Variants in CNTN6 observed in about 807,000 individuals in gnomAD.
CNTN6 encodes contactin-6.
In CNTN6, 137 loss-of-function variants were observed where a neutral mutation model predicts 122.8. The ratio of observed to expected loss-of-function variants is 1.12; its 90% CI spans 0.97 to 1.29. The LOEUF (loss-of-function observed/expected upper bound fraction) is 1.29. Ranked by LOEUF, CNTN6 falls within the 50% of genes most tolerant of loss-of-function variation. CNTN6 has a pLI of 0.00. For synonymous variants in CNTN6, 570 were observed against 426.0 expected, an observed-to-expected ratio of 1.34 and a Z score of -4.16; for missense variants, 1,634 against 1,223.4, an observed-to-expected ratio of 1.34 and a Z score of -5.01.
At chr3:1,293,589 G>A (rs75027100) in intron 5 of CNTN6, among the ~76,000 whole-genome samples, 2,026 of 152,206 alleles carry the variant, frequency 0.013, 62 homozygotes, top group African/African-American at 0.046. Flanking sequence ...AGTTTTTAAT[G>A]TAAGTACAGT....
chr3:1,229,041 C>A (rs1323000228), intron 4 of CNTN6, among the ~76,000 whole-genome samples: 1 of 152,170 alleles, frequency 6.6e-6, no homozygotes, highest in Admixed American at 6.5e-5. Context: ...CACACATGCA[C>A]ACACATATAC....
chr3:1,362,987 C>G (rs1707694655), intron 12 of CNTN6, among the ~76,000 whole-genome samples: 1 of 151,886 alleles, frequency 6.6e-6, no homozygotes, highest in Non-Finnish European at 1.5e-5. Context: ...TTTTAATGCG[C>G]TAAAGACAAT....
At chr3:1,217,057 A>G (rs2094139664) in intron 2 of CNTN6, among the ~76,000 whole-genome samples, 1 of 152,204 alleles carries the variant, frequency 6.6e-6, no homozygotes. Flanking sequence ...TTTTATAAAC[A>G]ATATATTATT....
intron 2 of CNTN6, among the ~76,000 whole-genome samples, chr3:1,148,840 C>T (rs1180086312): frequency 3.3e-5 from 5 of 152,130 alleles, no homozygotes; most frequent in African/African-American, 1.2e-4. Context: ...TAGTCTAGAA[C>T]ATTCGTAACT....
chr3:1,378,305 G>A (rs2126161419), intron 17 of CNTN6, among the ~76,000 whole-genome samples: 1 of 152,276 alleles, frequency 6.6e-6, no homozygotes, highest in South Asian at 2.1e-4. Flanking sequence ...TCAGTTAAAT[G>A]AACCTGCGTC....
At chr3:1,236,160 T>A (rs960007048) in intron 4 of CNTN6, among the ~76,000 whole-genome samples, 1 of 152,072 alleles carries the variant, frequency 6.6e-6, no homozygotes, top group African/African-American at 2.4e-5. Context: ...AAAGTCATAA[T>A]GTCTTGAAAG....
intron 12 of CNTN6, among the ~76,000 whole-genome samples, chr3:1,354,518 C>G (rs932855777): frequency 1.3e-5 from 2 of 151,424 alleles, no homozygotes; most frequent in African/African-American, 4.8e-5. Context: ...TTTTTATCTT[C>G]TTACGAACTG....
chr3:1,176,077 C>G (rs773878286), intron 2 of CNTN6, among the ~76,000 whole-genome samples: 1 of 152,032 alleles, frequency 6.6e-6, no homozygotes, highest in Non-Finnish European at 1.5e-5. Context: ...TGAGTACAAA[C>G]AGTGGATGTT....
chr3:1,347,307 GATTT>G (rs1559886926), intron 11 of CNTN6, among the ~76,000 whole-genome samples: 1 of 152,108 alleles, frequency 6.6e-6, no homozygotes, highest in Non-Finnish European at 1.5e-5. Flanking sequence ...TATAATCAGT[GATTT>G]AATTATCTAA....
chr3:1,122,353 AG>A, intron 1 of CNTN6, among the ~76,000 whole-genome samples: 1 of 144,674 alleles, frequency 6.9e-6, no homozygotes, highest in African/African-American at 2.8e-5. Context: ...AGAGGGAAGG[AG>A]GGAAGGAGGA....
chr3:1,198,734 AAAG>A (rs1290575629), intron 2 of CNTN6, among the ~76,000 whole-genome samples: 1 of 151,896 alleles, frequency 6.6e-6, no homozygotes, highest in Non-Finnish European at 1.5e-5. Flanking sequence ...CAAAAAAAAA[AAAG>A]AAAGAAAGAA....
chr3:1,277,659 A>G (rs1424918828), intron 4 of CNTN6, among the ~76,000 whole-genome samples: 1 of 152,076 alleles, frequency 6.6e-6, no homozygotes, highest in Non-Finnish European at 1.5e-5. Context: ...CCACACCCAG[A>G]TTAGTAGGTT....
intron 4 of CNTN6, among the ~76,000 whole-genome samples, chr3:1,265,047 T>TTTTTTTTTTTTC (rs2094906215): frequency 7.8e-6 from 1 of 129,022 alleles, no homozygotes; most frequent in African/African-American, 4.2e-5. Context: ...GAATTTCCTT[T>TTTTTTTTTTTTC]TTTTTTTTTT....
At chr3:1,197,905 C>A (rs768187173) in intron 2 of CNTN6, among the ~76,000 whole-genome samples, 1 of 152,110 alleles carries the variant, frequency 6.6e-6, no homozygotes, top group Non-Finnish European at 1.5e-5. Flanking sequence ...TCCTATCCCC[C>A]CTAACTCATG....
intron 2 of CNTN6, among the ~76,000 whole-genome samples, chr3:1,148,543 C>G (rs1183267874): frequency 1.3e-5 from 2 of 151,740 alleles, no homozygotes; most frequent in African/African-American, 2.4e-5. Flanking sequence ...AGAATGTTAC[C>G]TCAGAACTAG....
chr3:1,331,771 G>A (rs1232392424), intron 11 of CNTN6, among the ~76,000 whole-genome samples: 6 of 151,104 alleles, frequency 4.0e-5, no homozygotes, highest in South Asian at 2.1e-4. Context: ...GTCCAAACAC[G>A]AAGTATGTGG....
intron 4 of CNTN6, among the ~76,000 whole-genome samples, chr3:1,255,859 A>G (rs567405373): frequency 3.3e-5 from 5 of 151,752 alleles, no homozygotes; most frequent in Non-Finnish European, 5.9e-5. Flanking sequence ...ATTTTATTTT[A>G]TTTTAGTTTT....
At chr3:1,133,369 T>G (rs2092389166) in intron 1 of CNTN6, among the ~76,000 whole-genome samples, 1 of 152,160 alleles carries the variant, frequency 6.6e-6, no homozygotes, top group Non-Finnish European at 1.5e-5. Context: ...AGCTAGTATG[T>G]ATTGAGAGTG....
intron 3 of CNTN6, among the ~76,000 whole-genome samples, chr3:1,224,407 G>T (rs116071024): frequency 1.9e-4 from 29 of 152,110 alleles, no homozygotes; most frequent in African/African-American, 6.5e-4. Context: ...AAAGGAGCTG[G>T]AAGAGAAGAT....
Sources: gnomAD v4.1 joint callset for allele counts (sites outside exome capture counted in the v4.1 genomes callset) on GRCh38, gnomAD v4.1.1 for gene constraint, MANE v1.5 for transcripts, NCBI Gene and HGNC (gene_info 2026-07-23, HGNC 2026-07-21) for gene names.